Variants in BLTP1 observed in about 807,000 individuals in gnomAD.
The protein encoded by BLTP1 is bridge-like lipid transfer protein family member 1, also known as fragile site-associated protein.
the BLTP1 span, among the ~76,000 whole-genome samples, chr4:122,253,824 C>T: frequency 6.6e-6 from 1 of 151,934 alleles, no homozygotes; most frequent in Non-Finnish European, 1.5e-5. Flanking sequence ...AGATTTAAAC[C>T]AATTAAGACT....
At chr4:122,255,354 T>G in the BLTP1 span, 1 of 1,052,448 alleles carries the variant, frequency 9.5e-7, no homozygotes. Context: ...TACACAGGGT[T>G]TGAGATGCAT....
the BLTP1 span, among the ~76,000 whole-genome samples, chr4:122,176,613 A>G: frequency 6.6e-6 from 1 of 152,190 alleles, no homozygotes; most frequent in Non-Finnish European, 1.5e-5. Context: ...TAATATTTTT[A>G]TGAGTAATTT....
chr4:122,197,319 AATT>A, the BLTP1 span: 1 of 1,251,706 alleles, frequency 8.0e-7, no homozygotes, highest in Non-Finnish European at 1.1e-6. Flanking sequence ...TTAGGGAAAT[AATT>A]ATAAATAATA....
the BLTP1 span, among the ~76,000 whole-genome samples, chr4:122,297,513 T>C: frequency 6.6e-6 from 1 of 152,052 alleles, no homozygotes; most frequent in Non-Finnish European, 1.5e-5. Flanking sequence ...TCCTAAAAAA[T>C]CTGGAAGCAA....
chr4:122,226,820 G>T, the BLTP1 span: 1 of 1,608,054 alleles, frequency 6.2e-7, no homozygotes, highest in Non-Finnish European at 8.5e-7. Context: ...TTGATCGTCG[G>T]TTCTGTGAAT....
the BLTP1 span, chr4:122,340,840 A>G: frequency 2.1e-6 from 2 of 952,396 alleles, no homozygotes; most frequent in Non-Finnish European, 2.5e-6. Context: ...GAAAATGAAA[A>G]GTACTAAAGG....
At chr4:122,248,883 C>A in the BLTP1 span, 1 of 164,974 alleles carries the variant, frequency 6.1e-6, no homozygotes, top group Non-Finnish European at 1.3e-5. Context: ...GGTAAATTTA[C>A]ATGTGTTTTT....
chr4:122,309,668 T>C, the BLTP1 span, among the ~76,000 whole-genome samples: 1 of 152,032 alleles, frequency 6.6e-6, no homozygotes, highest in Admixed American at 6.6e-5. Context: ...AACCAGGCAT[T>C]CTTTTTGGTA....
At chr4:122,156,526 A>G in the BLTP1 span, among the ~76,000 whole-genome samples, 1 of 152,222 alleles carries the variant, frequency 6.6e-6, no homozygotes, top group Non-Finnish European at 1.5e-5. Flanking sequence ...CACTTAAGAA[A>G]TCGTTGATGA....
chr4:122,325,764 GTTTAT>G, the BLTP1 span: 2 of 782,018 alleles, frequency 2.6e-6, no homozygotes, highest in East Asian at 7.4e-5. Context: ...ATATTAAAAT[GTTTAT>G]TTTGTTTTTT....
chr4:122,348,268 T>C, the BLTP1 span, among the ~76,000 whole-genome samples: 1 of 152,108 alleles, frequency 6.6e-6, no homozygotes, highest in Admixed American at 6.6e-5. Context: ...TTAAACAGAA[T>C]CCTAGGGTGA....
chr4:122,212,767 A>G, the BLTP1 span, among the ~76,000 whole-genome samples: 1 of 152,206 alleles, frequency 6.6e-6, no homozygotes, highest in Admixed American at 6.5e-5. Context: ...TTGTTTTCAT[A>G]CAGACTTTTG....
At chr4:122,281,542 G>T in the BLTP1 span, 1 of 1,583,966 alleles carries the variant, frequency 6.3e-7, no homozygotes, top group Admixed American at 1.8e-5. Flanking sequence ...CTAGCCCACA[G>T]CCTGTAAAAG....
the BLTP1 span, among the ~76,000 whole-genome samples, chr4:122,212,247 CTT>C: frequency 6.6e-6 from 1 of 152,062 alleles, no homozygotes; most frequent in Non-Finnish European, 1.5e-5. Flanking sequence ...GATGATGTAA[CTT>C]AGTATAAAAG....
chr4:122,193,275 T>G, the BLTP1 span, among the ~76,000 whole-genome samples: 1 of 152,200 alleles, frequency 6.6e-6, no homozygotes, highest in Non-Finnish European at 1.5e-5. Context: ...TTACTTGGTA[T>G]TCCTAGTATA....
chr4:122,257,460 C>G, the BLTP1 span: 3 of 1,614,008 alleles, frequency 1.9e-6, no homozygotes, highest in Middle Eastern at 1.7e-4. Context: ...CAAAGTGATA[C>G]CAGTGCTGAT....
At chr4:122,258,557 G>A in the BLTP1 span, 1 of 1,052,298 alleles carries the variant, frequency 9.5e-7, no homozygotes, top group African/African-American at 1.6e-5. Flanking sequence ...CTGAGTGAGA[G>A]GATTGGGGTG....
the BLTP1 span, among the ~76,000 whole-genome samples, chr4:122,192,824 G>A: frequency 1.4e-4 from 22 of 152,252 alleles, 1 homozygote; most frequent in African/African-American, 4.6e-4. Flanking sequence ...TAAGTAAAGG[G>A]TCTTCATGAA....
At chr4:122,249,434 A>T in the BLTP1 span, 1 of 1,586,632 alleles carries the variant, frequency 6.3e-7, no homozygotes, top group Non-Finnish European at 8.6e-7. Flanking sequence ...GTGTTTTTTA[A>T]TGTAAGCTTA....
Sources: gnomAD v4.1 joint callset for allele counts (sites outside exome capture counted in the v4.1 genomes callset) on GRCh38, gnomAD v4.1.1 for gene constraint, MANE v1.5 for transcripts, NCBI Gene and HGNC (gene_info 2026-07-23, HGNC 2026-07-21) for gene names.